IQGAP2: variants seen among roughly 807,000 people sequenced by gnomAD.
IQGAP2 encodes the protein IQ motif containing GTPase activating protein 2, also known as ras GTPase-activating-like protein IQGAP2.
IQGAP2 carries 173 observed loss-of-function variants against 201.3 expected under a neutral mutation model. The ratio of observed to expected loss-of-function variants is 0.86; its 90% CI spans 0.76 to 0.98. The LOEUF (loss-of-function observed/expected upper bound fraction) is 0.98. IQGAP2 is among the 50% of genes least tolerant of loss of function. The pLI, the probability that IQGAP2 is intolerant of heterozygous loss-of-function variation, is 0.00. For synonymous variants in IQGAP2, 675 were observed against 673.9 expected (o/e 1.00, Z -0.03); for missense variants, 1,687 against 1,864.8 (o/e 0.90, Z 1.76).
At chr5:76,519,924 T>C (rs553757098) in intron 2 of IQGAP2, among the ~76,000 whole-genome samples, 2 of 152,242 alleles carry the variant, frequency 1.3e-5, no homozygotes, top group Non-Finnish European at 2.9e-5. Context: ...CTTCGTATAT[T>C]TGGATTCAAG....
At chr5:76,680,020 A>C (rs545668635) in intron 28 of IQGAP2, among the ~76,000 whole-genome samples, 3 of 152,188 alleles carry the variant, frequency 2.0e-5, no homozygotes, top group African/African-American at 7.2e-5. Flanking sequence ...ACAACTCTCC[A>C]TGTGTCAGGG....
intron 16 of IQGAP2, among the ~76,000 whole-genome samples, chr5:76,638,803 C>T (rs1751344397): frequency 6.6e-6 from 1 of 152,156 alleles, no homozygotes; most frequent in South Asian, 2.1e-4. Flanking sequence ...GTGAGGCTTT[C>T]CTGAAACAAA....
intron 24 of IQGAP2, among the ~76,000 whole-genome samples, chr5:76,672,709 A>G (rs977813590): frequency 7.9e-5 from 12 of 152,188 alleles, no homozygotes; most frequent in African/African-American, 2.4e-4. Context: ...CAGGATCTGT[A>G]TAGAATGTCG....
intron 1 of IQGAP2, among the ~76,000 whole-genome samples, chr5:76,424,167 G>T (rs1474755540): frequency 2.0e-5 from 3 of 152,148 alleles, no homozygotes; most frequent in Admixed American, 6.5e-5. Flanking sequence ...TGTAGAATTC[G>T]TGAGGGGCTT....
chr5:76,454,164 C>T (rs2150118606), intron 1 of IQGAP2, among the ~76,000 whole-genome samples: 1 of 152,222 alleles, frequency 6.6e-6, no homozygotes, highest in Non-Finnish European at 1.5e-5. Context: ...CCAAATTAAG[C>T]AGGGTTCTAG....
At chr5:76,600,212 T>C (rs1011342438) in intron 10 of IQGAP2, among the ~76,000 whole-genome samples, 2 of 152,210 alleles carry the variant, frequency 1.3e-5, no homozygotes, top group Non-Finnish European at 2.9e-5. Flanking sequence ...AGAGCTTTAC[T>C]TGCTTTACCA....
intron 2 of IQGAP2, among the ~76,000 whole-genome samples, chr5:76,558,403 A>G (rs1290127034): frequency 6.6e-6 from 1 of 152,204 alleles, no homozygotes; most frequent in Non-Finnish European, 1.5e-5. Context: ...ATTATTTGAA[A>G]ATGTAATTAT....
At position 76,597,570 on chromosome 5, in the gene IQGAP2, G is replaced by A. The variant is rs1747125279; in HGVS notation, c.1039G>A (p.Glu347Lys). The part of the protein sequence containing the change: ...YPFAAAMYQN[E>K]LFNLQKQNTM... Reference sequence around the variant, plus strand: ...CTTTGCTGCTGCCATGTATCAGAACGAACTTTTCAACCTCCAGAAACAGAA... The same window carrying A: ...CTTTGCTGCTGCCATGTATCAGAACAAACTTTTCAACCTCCAGAAACAGAA... The change falls in exon 10 of 36, where the codon GAA becomes AAA. Residue 347 changes from glutamate to lysine, a missense_variant. Physicochemically the swap from Glu to Lys is moderately conservative, Grantham distance 56. Transcript: ENST00000274364. The A allele has an allele frequency of 4.3e-6, 7 of 1,613,778 alleles. No homozygotes were observed. Among genetic ancestry groups the A allele is most frequent in the Admixed American group, 1.7e-5 (1 of 59,958 alleles).
chr5:76,524,881 A>G (rs1758880151), intron 2 of IQGAP2, among the ~76,000 whole-genome samples: 1 of 152,260 alleles, frequency 6.6e-6, no homozygotes, highest in Non-Finnish European at 1.5e-5. Context: ...CTATGTGTTT[A>G]TAGTAACATC....
chr5:76,589,956 T>C (rs1271671258), intron 7 of IQGAP2, among the ~76,000 whole-genome samples: 1 of 152,284 alleles, frequency 6.6e-6, no homozygotes, highest in Non-Finnish European at 1.5e-5. Context: ...GTTCTAGAAA[T>C]ACCTTCATTG....
At chr5:76,461,442 G>C in intron 1 of IQGAP2, 128 bp from the exon 2 acceptor site, 1 of 545,630 alleles carries the variant, frequency 1.8e-6, no homozygotes, top group Non-Finnish European at 3.2e-6. Context: ...CTCTCTGCCT[G>C]GTGTTTCAAT....
At chr5:76,563,951 G>A (rs1744559472) in intron 3 of IQGAP2, among the ~76,000 whole-genome samples, 1 of 149,762 alleles carries the variant, frequency 6.7e-6, no homozygotes, top group Admixed American at 6.6e-5. Context: ...GTTAACAGTA[G>A]ACAAGATTAC....
At chr5:76,446,832 C>T (rs1480571137) in intron 1 of IQGAP2, among the ~76,000 whole-genome samples, 1 of 152,146 alleles carries the variant, frequency 6.6e-6, no homozygotes, top group African/African-American at 2.4e-5. Flanking sequence ...ATAAAAGTAG[C>T]CCATCCGTGA....
At chr5:76,442,696 C>T (rs1404142772) in intron 1 of IQGAP2, among the ~76,000 whole-genome samples, 2 of 152,042 alleles carry the variant, frequency 1.3e-5, no homozygotes, top group Non-Finnish European at 2.9e-5. Context: ...CATTTAAAAT[C>T]ACTTAACAGG....
chr5:76,481,230 C>T (rs1018946044), intron 2 of IQGAP2, among the ~76,000 whole-genome samples: 5 of 152,068 alleles, frequency 3.3e-5, no homozygotes, highest in South Asian at 4.2e-4. Context: ...GGGCTGTCCT[C>T]TATATAGAAA....
chr5:76,528,465 G>A (rs1012842768), intron 2 of IQGAP2, among the ~76,000 whole-genome samples: 2 of 152,162 alleles, frequency 1.3e-5, no homozygotes, highest in Non-Finnish European at 2.9e-5. Context: ...ATTTCAAATA[G>A]GAGGAGATGG....
chr5:76,605,825 A>G (rs1747764757), intron 11 of IQGAP2, among the ~76,000 whole-genome samples: 1 of 152,238 alleles, frequency 6.6e-6, no homozygotes, highest in African/African-American at 2.4e-5. Context: ...CCCTGTAACA[A>G]TCATCTGAAG....
chr5:76,503,339 A>G (rs1231502564), intron 2 of IQGAP2, among the ~76,000 whole-genome samples: 2 of 151,064 alleles, frequency 1.3e-5, no homozygotes, highest in Non-Finnish European at 3.0e-5. Context: ...ACACCTGGCT[A>G]ATTTTTCATA....
At chr5:76,694,620 G>C (rs1046492340) in intron 31 of IQGAP2, among the ~76,000 whole-genome samples, 3 of 152,164 alleles carry the variant, frequency 2.0e-5, no homozygotes, top group African/African-American at 7.2e-5. Context: ...ATCTGTATCT[G>C]GTGCACATTA....
Sources: allele counts gnomAD v4.1 joint callset (sites outside exome capture counted in the v4.1 genomes callset), GRCh38; gene constraint gnomAD v4.1.1; transcripts MANE v1.5; gene names NCBI Gene and HGNC (gene_info 2026-07-23, HGNC 2026-07-21).